The following RPL13A variants were observed in gnomAD, a reference collection of about 807,000 sequenced individuals.
RPL13A encodes large ribosomal subunit protein uL13.
RPL13A carries 4 observed loss-of-function variants against 30.8 expected under a neutral mutation model. The observed-to-expected ratio is 0.13, with a 90% CI of 0.06 to 0.30. The LOEUF is 0.30. Among genes scored for constraint, RPL13A ranks in the 10% least tolerant of loss-of-function variants. RPL13A has a pLI of 1.00. For synonymous variants in RPL13A, 108 were observed against 104.2 expected (o/e 1.04, Z -0.22); for missense variants, 196 against 272.6 (o/e 0.72, Z 1.98).
chr19:49,489,987 C>G (rs377388983), intron 2 of RPL13A, 65 bp downstream of exon 2: 3 of 1,304,952 alleles, frequency 2.3e-6, no homozygotes, highest in South Asian at 2.4e-5. Context: ...GAGCAACATT[C>G]ACCATCTTTC....
At position 49,491,829 on chromosome 19, in the gene RPL13A, T is replaced by C. The variant is rs1349146763; in HGVS notation, c.*14T>C. ...CTCCTGGTCTGAGCCCAATAAAGAC[T>C]GTTAATTCCTCATGCGTTGCCTGCC... On this transcript the variant is annotated 3_prime_UTR_variant, in exon 8 of 8. Transcript: ENST00000391857. 1.3e-6 allele frequency: 2 copies of C among 1,582,230 alleles called. No individual in the cohort carries two copies. Among genetic ancestry groups the C allele is most frequent in the Non-Finnish European group, 1.7e-6 (2 of 1,159,120 alleles).
Position 49,490,883 on chromosome 19 carries a change from C to G in RPL13A, c.342+19C>G. On this transcript the variant is annotated intron_variant, in intron 5 of 7. Coordinates refer to ENST00000391857, the MANE Select transcript of RPL13A (RefSeq NM_012423.4). ...CGACAAGGTGAGCTATGCCAAACCC[C>G]ACAGGCAGCGGCCTTACCTGTGGCG... 1 of 1,613,876 alleles carries G rather than the reference C, an allele frequency of 6.2e-7. No homozygotes were observed. The highest frequency in any genetic ancestry group is 8.5e-7 in the Non-Finnish European group (1 of 1,179,760).
At chr19:49,487,683 G>C in intron 1 of RPL13A, 39 bp downstream of exon 1, 2 of 1,502,252 alleles carry the variant, frequency 1.3e-6, no homozygotes, top group South Asian at 2.6e-5. Flanking sequence ...AAGGGGCCGG[G>C]TGGGATCCAG....
intron 1 of RPL13A, among the ~76,000 whole-genome samples, chr19:49,489,218 G>A (rs1048074549): frequency 2.0e-5 from 3 of 152,122 alleles, no homozygotes; most frequent in Admixed American, 1.3e-4. Context: ...ACAATTGATT[G>A]GCCACAGTGG....
Position 49,487,612 on chromosome 19 carries a change from T to G in RPL13A, c.-18T>G, listed in dbSNP as rs765681008. ...ACCCTGCGACAAAACCTCCTCCTTT[T>G]CCAAGCGGCTGCCGAAGATGGCGGA... On this transcript the variant is annotated 5_prime_UTR_variant, in exon 1 of 8. Coordinates refer to ENST00000391857, the MANE Select transcript of RPL13A (RefSeq NM_012423.4). 1 of 1,576,082 alleles carries G rather than the reference T, an allele frequency of 6.3e-7. No homozygotes were observed.
intron 1 of RPL13A, among the ~76,000 whole-genome samples, chr19:49,487,994 C>T (rs929900523): frequency 6.6e-6 from 1 of 151,950 alleles, no homozygotes; most frequent in Non-Finnish European, 1.5e-5. Context: ...CGATGAGGAA[C>T]ACGCGGAAGT....
chr19:49,488,514 A>G lies in RPL13A; in HGVS notation c.15+870A>G, dbSNP rs1358897650. Among the ~76,000 whole-genome samples the G allele has an allele frequency of 2.6e-5, 4 of 152,346 alleles. No individual in the cohort carries two copies. The East Asian group carries it at 7.7e-4, about 29-fold the overall frequency. On this transcript the variant is annotated intron_variant, in intron 1 of 7. Coordinates refer to ENST00000391857, the MANE Select transcript of RPL13A (RefSeq NM_012423.4). ...AATGTTTTGCGTAGTTCAGTTAACC[A>G]TATTCCTGAGGCAGTTACTGGTATC...
chr19:49,490,039 C>CT, intron 2 of RPL13A, 117 bp downstream of exon 2: 1 of 1,016,320 alleles, frequency 9.8e-7, no homozygotes, highest in Non-Finnish European at 1.6e-6. Context: ...ATGCACCGCT[C>CT]TGAGACCTGC....
chr19:49,487,616 A>C lies in RPL13A; in HGVS notation c.-14A>C, dbSNP rs750784056. 8 of 1,575,738 alleles carry C rather than the reference A, an allele frequency of 5.1e-6. No homozygotes were observed. The South Asian group carries it at 8.1e-5, about 16-fold the overall frequency. ...TGCGACAAAACCTCCTCCTTTTCCA[A>C]GCGGCTGCCGAAGATGGCGGAGGTG... is the stretch of plus-strand genomic sequence containing the variant. On this transcript the variant is annotated 5_prime_UTR_variant, in exon 1 of 8. Transcript: ENST00000391857.
chr19:49,489,705 G>A (rs1440024883), intron 1 of RPL13A, 145 bp from the exon 2 acceptor site: 5 of 705,042 alleles, frequency 7.1e-6, no homozygotes, highest in East Asian at 2.6e-5. Flanking sequence ...TCTGTAGAAC[G>A]GGGCTCCGTG....
chr19:49,492,014 AT>A lies in RPL13A; in HGVS notation c.*202del. ...GCACTCGGAGAATTGTGCAGGTGTC[AT>A]TTATCTATGACCAATAGGAAGAGCA... On this transcript the variant is annotated 3_prime_UTR_variant, in exon 8 of 8. Coordinates refer to ENST00000391857, the MANE Select transcript of RPL13A (RefSeq NM_012423.4). 1 of 563,050 alleles carries A rather than the reference AT, an allele frequency of 1.8e-6. No individual in the cohort carries two copies. The highest frequency in any genetic ancestry group is 2.1e-5 in the South Asian group (1 of 48,182). 34.9% of individuals were successfully genotyped at this position (563,050 alleles called of 1,614,324 possible). A position where few individuals can be genotyped will look rare whatever the true frequency, so the allele number is the denominator to read the frequency against.
In RPL13A at chr19:49,491,420, C is replaced by CCCCG. The variant is rs1555807000; in HGVS notation, c.403-5_403-4insCCCG. 21 of 1,072,058 alleles carry CCCCG rather than the reference C, an allele frequency of 2.0e-5. No individual in the cohort carries two copies. Among genetic ancestry groups the CCCCG allele is most frequent in the African/African-American group, 1.1e-4 (4 of 37,672 alleles). 66.4% of individuals were successfully genotyped at this position (1,072,058 alleles called of 1,614,324 possible). On this transcript the variant is annotated splice_polypyrimidine_tract_variant and splice_region_variant and intron_variant, in intron 6 of 7. Transcript: ENST00000391857. ...TTTGTTCACCCCCCCCCCCCCCCCC[C>CCCCG]GCAGTTTGCCTATCTGGGGCGCCTG... is the stretch of plus-strand genomic sequence containing the variant.
rs779903300 is a variant in RPL13A, at chr19:49,491,024, T to C, written c.343-16T>C. On this transcript the variant is annotated splice_polypyrimidine_tract_variant and intron_variant, in intron 5 of 7. Transcript: ENST00000391857. ...TGTCCCTCCCGGGCTCTTAAGCCCC[T>C]CTCTTTCTCTAACAGAAAAAGCGGA... 4.5e-5 allele frequency: 73 copies of C among 1,614,042 alleles called. No individual in the cohort carries two copies. The Admixed American group carries it at 1.2e-3, about 27-fold the overall frequency.
At chr19:49,488,513 C>A (rs543395909) in intron 1 of RPL13A, among the ~76,000 whole-genome samples, 29 of 152,326 alleles carry the variant, frequency 1.9e-4, no homozygotes, top group Admixed American at 6.5e-4. Flanking sequence ...TTCAGTTAAC[C>A]ATATTCCTGA....
At chr19:49,487,872 T>G (rs1339641036) in intron 1 of RPL13A, among the ~76,000 whole-genome samples, 1 of 152,128 alleles carries the variant, frequency 6.6e-6, no homozygotes, top group East Asian at 1.9e-4. Flanking sequence ...TGATAGAGCT[T>G]CCAGCACAGG....
At position 49,490,822 on chromosome 19, in the gene RPL13A, C is replaced by T; in HGVS notation, c.300C>T (p.Asp100=). Residue 100 remains aspartate, a synonymous_variant, in exon 5 of 8, where the codon GAC becomes GAT. Coordinates refer to ENST00000391857, the MANE Select transcript of RPL13A (RefSeq NM_012423.4). The part of the protein sequence containing the change: ...HKTKRGQAAL[D]RLKVFDGIPP... The stretch of plus-strand genomic sequence containing the variant: ...CCAAGCGAGGCCAGGCCGCTCTGGA[C>T]CGTCTCAAGGTGTTTGACGGCATCC... The T allele has an allele frequency of 6.2e-7, 1 of 1,614,144 alleles. No homozygotes were observed. Among genetic ancestry groups the T allele is most frequent in the Non-Finnish European group, 8.5e-7 (1 of 1,180,048 alleles).
intron 4 of RPL13A, 40 bp from the exon 5 acceptor site, chr19:49,490,739 T>A (rs759766521): frequency 7.5e-6 from 12 of 1,607,868 alleles, no homozygotes; most frequent in Non-Finnish European, 1.0e-5. Context: ...GGCATCCTTA[T>A]GAGGCCCTCT....
Position 49,490,873 on chromosome 19 carries a change from T to C in RPL13A, c.342+9T>C. 4 of 1,614,138 alleles carry C rather than the reference T, an allele frequency of 2.5e-6. No individual in the cohort carries two copies. Among genetic ancestry groups the C allele is most frequent in the Non-Finnish European group, 3.4e-6 (4 of 1,180,014 alleles). On this transcript the variant is annotated intron_variant, in intron 5 of 7. Coordinates refer to ENST00000391857, the MANE Select transcript of RPL13A (RefSeq NM_012423.4). ...CACCGCCCTACGACAAGGTGAGCTA[T>C]GCCAAACCCCACAGGCAGCGGCCTT... is the stretch of plus-strand genomic sequence containing the variant.
chr19:49,487,656 G>T lies in RPL13A; in HGVS notation c.15+12G>T, dbSNP rs556131273. 2 of 1,541,016 alleles carry T rather than the reference G, an allele frequency of 1.3e-6. No individual in the cohort carries two copies. The highest frequency in any genetic ancestry group is 1.2e-5 in the South Asian group (1 of 82,346). On this transcript the variant is annotated intron_variant, in intron 1 of 7. Coordinates refer to ENST00000391857, the MANE Select transcript of RPL13A (RefSeq NM_012423.4). ...TGGCGGAGGTGCAGGTATGGGCTCC[G>T]CGCGGGCCGGGGCGGCAAGGGGCCG...
Sources: allele counts gnomAD v4.1 joint callset (sites outside exome capture counted in the v4.1 genomes callset), GRCh38; gene constraint gnomAD v4.1.1; transcripts MANE v1.5; gene names NCBI Gene and HGNC (gene_info 2026-07-23, HGNC 2026-07-21).